The following SAXO2 variants were observed in gnomAD, a reference collection of about 807,000 sequenced individuals.
SAXO2 encodes the protein stabilizer of axonemal microtubules 2.
Under a neutral mutation model 18.7 loss-of-function variants are expected in SAXO2, and 17 were observed. The ratio of observed to expected loss-of-function variants is 0.91; its 90% CI spans 0.62 to 1.36. SAXO2 has a LOEUF of 1.36. SAXO2 is among the 40% of genes most tolerant of loss of function. The pLI is 0.00. For synonymous variants in SAXO2, 163 were observed against 181.2 expected, an observed-to-expected ratio of 0.90 and a Z score of 0.81; for missense variants, 486 against 562.6, an observed-to-expected ratio of 0.86 and a Z score of 1.38.
chr15:82,265,819 G>T (rs1346840482), intron 2 of SAXO2, 71 bp downstream of exon 2: 2 of 1,242,320 alleles, frequency 1.6e-6, no homozygotes, highest in East Asian at 2.8e-5. Flanking sequence ...AAGTTTTCTA[G>T]CTATTTAAAT....
At position 82,282,692 on chromosome 15, in the gene SAXO2, A is replaced by G. The variant is rs564509405; in HGVS notation, c.1007A>G (p.Asn336Ser). 1.9e-5 allele frequency: 30 copies of G among 1,614,108 alleles called. No individual in the cohort carries two copies. In the South Asian group the frequency reaches 2.7e-4, roughly 15 times the overall value. The change falls in exon 4 of 4, where the codon AAT becomes AGT. Residue 336 changes from asparagine to serine, a missense_variant. Transcript: ENST00000682753. ...IRPVSQKRSN[N>S]FPFQGKSIMK... Reference sequence around the variant, plus strand: ...CCAGTTTCTCAAAAAAGAAGTAACAATTTTCCTTTCCAAGGAAAAAGCATC... The same window carrying G: ...CCAGTTTCTCAAAAAAGAAGTAACAGTTTTCCTTTCCAAGGAAAAAGCATC...
intron 2 of SAXO2, among the ~76,000 whole-genome samples, chr15:82,270,596 T>TA (rs1319102995): frequency 6.6e-6 from 1 of 152,156 alleles, no homozygotes; most frequent in Non-Finnish European, 1.5e-5. Flanking sequence ...CTTACAGACA[T>TA]ACGCAGCAAA....
intron 2 of SAXO2, among the ~76,000 whole-genome samples, chr15:82,268,616 CAAAG>C (rs1250699989): frequency 6.6e-6 from 1 of 152,182 alleles, no homozygotes; most frequent in East Asian, 1.9e-4. Context: ...TCTGTACAAA[CAAAG>C]AAGCATTCTG....
intron 3 of SAXO2, among the ~76,000 whole-genome samples, chr15:82,277,440 C>T (rs1489603118): frequency 6.6e-6 from 1 of 151,362 alleles, no homozygotes; most frequent in Non-Finnish European, 1.5e-5. Flanking sequence ...CAAAAGTAAC[C>T]CAAGAAGAAA....
In SAXO2 at chr15:82,282,208, A is replaced by G. The variant is rs77543355; in HGVS notation, c.523A>G (p.Thr175Ala). 1,337 of 1,614,146 alleles carry G rather than the reference A, an allele frequency of 8.3e-4. 10 individuals are homozygous for G. The African/African-American group carries it at 0.013, about 16-fold the overall frequency. ...HPPTVKFGNS[T>A]TFQDDFVPQE... ...GCCTACTGTGAAATTTGGAAATTCA[A>G]CTACATTTCAGGATGATTTTGTTCC... Residue 175 changes from threonine to alanine, a missense_variant, in exon 4 of 4, where the codon ACT (threonine) becomes GCT (alanine). Physicochemically the swap from Thr to Ala is moderately conservative, Grantham distance 58. Transcript: ENST00000682753.
intron 1 of SAXO2, among the ~76,000 whole-genome samples, chr15:82,265,136 G>T (rs946608699): frequency 1.3e-5 from 2 of 151,962 alleles, no homozygotes; most frequent in Non-Finnish European, 2.9e-5. Flanking sequence ...AGTTTTTGGG[G>T]GTTTTTTTGT....
At chr15:82,275,586 G>A (rs913619956) in intron 3 of SAXO2, among the ~76,000 whole-genome samples, 3 of 152,164 alleles carry the variant, frequency 2.0e-5, no homozygotes, top group African/African-American at 7.2e-5. Context: ...CCACAGTCAA[G>A]TGGGTTTTAT....
Position 82,265,600 on chromosome 15 carries a change from A to T in SAXO2, c.85A>T (p.Ile29Phe). 7.7e-6 allele frequency: 11 copies of T among 1,425,224 alleles called. No homozygotes were observed. The allele number at this position is 1,425,224 out of a possible 1,614,324, so 88.3% of individuals were successfully genotyped here. A position where few individuals can be genotyped will look rare whatever the true frequency, so the allele number is the denominator to read the frequency against. ...TCATTGTCCACGTGGAACCACAAGG[A>T]TTTATGAAAATTCTGGGGTGTTTTG... ...RHHCPRGTTR[I>F]YENSGVFCPT... The change falls in exon 2 of 4, where the codon ATT (isoleucine) becomes TTT (phenylalanine). Residue 29 changes from isoleucine to phenylalanine, a missense_variant. Ile to Phe is a conservative substitution (Grantham distance 21). Transcript: ENST00000682753.
intron 1 of SAXO2, 113 bp downstream of exon 1, chr15:82,263,045 G>A: frequency 6.5e-7 from 1 of 1,533,538 alleles, no homozygotes. Context: ...CGGAGATGAA[G>A]GGACGAGGGC....
chr15:82,264,274 G>A lies in SAXO2; in HGVS notation c.54-1295G>A, dbSNP rs1339932200. On this transcript the variant is annotated intron_variant, in intron 1 of 3. Transcript: ENST00000682753. Reference sequence around the variant, plus strand: ...TTTAGTAGAGACGGGGTTTCACCATGTTGGCCTCCATCTCCTGACCTCATG... The same window carrying A: ...TTTAGTAGAGACGGGGTTTCACCATATTGGCCTCCATCTCCTGACCTCATG... 2.0e-5 allele frequency among the ~76,000 whole-genome samples: 3 copies of A among 151,534 alleles called. No individual in the cohort carries two copies. In the East Asian group the frequency reaches 5.8e-4, roughly 29 times the overall value.
At chr15:82,265,866 TAGTC>T (rs2141360120) in intron 2 of SAXO2, 118 bp downstream of exon 2, 1 of 602,106 alleles carries the variant, frequency 1.7e-6, no homozygotes, top group African/African-American at 2.0e-5. Flanking sequence ...ACCAATCTAA[TAGTC>T]AAGAGACTAG....
intron 1 of SAXO2, chr15:82,263,437 C>G: frequency 1.4e-6 from 1 of 704,082 alleles, no homozygotes; most frequent in African/African-American, 1.7e-5. Flanking sequence ...ACTGAAAAGT[C>G]AGTAAGTAGT....
In SAXO2 at chr15:82,262,818, G is replaced by T; in HGVS notation, c.-62G>T. 3 of 1,545,160 alleles carry T rather than the reference G, an allele frequency of 1.9e-6. No homozygotes were observed. The South Asian group carries it at 3.6e-5, about 19-fold the overall frequency. On this transcript the variant is annotated 5_prime_UTR_variant, in exon 1 of 4. Transcript: ENST00000682753. ...TCACCGGGCATCCCTCTGTTGCCTT[G>T]ACTACGGCGGGCGCTGTGGGAGTGG...
chr15:82,262,874 G>T lies in SAXO2; in HGVS notation c.-6G>T. ...CTGCAAGTGCTGAGGCGCGGTGGAG[G>T]AAAGCATGGGAGCCAAGAGTATGAG... On this transcript the variant is annotated 5_prime_UTR_variant, in exon 1 of 4. Transcript: ENST00000682753. 1 of 1,591,414 alleles carries T rather than the reference G, an allele frequency of 6.3e-7. No homozygotes were observed. The highest frequency in any genetic ancestry group is 8.6e-7 in the Non-Finnish European group (1 of 1,169,270).
chr15:82,276,574 G>T (rs1288846823), intron 3 of SAXO2, among the ~76,000 whole-genome samples: 1 of 152,034 alleles, frequency 6.6e-6, no homozygotes, highest in Non-Finnish European at 1.5e-5. Context: ...CCACCTGATT[G>T]TCCACAAAAT....
At chr15:82,275,277 CA>C (rs1246618880) in intron 3 of SAXO2, among the ~76,000 whole-genome samples, 1 of 47,502 alleles carries the variant, frequency 2.1e-5, no homozygotes, top group Admixed American at 2.2e-4. Context: ...AGAAACCTAT[CA>C]ACCAAAAAAA....
At chr15:82,272,626 C>T (rs2075282949) in intron 3 of SAXO2, among the ~76,000 whole-genome samples, 1 of 152,130 alleles carries the variant, frequency 6.6e-6, no homozygotes, top group Non-Finnish European at 1.5e-5. Context: ...ACTGCAACCT[C>T]CACCTCCTGG....
rs1596025496 is a variant in SAXO2 at position 82,265,655 on chromosome 15, C to G, written c.140C>G (p.Pro47Arg). The part of the protein sequence containing the change: ...CPTTEYLEKY[P>R]MYDNVLPPQS... ...ACAACTGAATATTTGGAAAAATATC[C>G]TATGTATGACAATGTTCTTCCACCT... The change falls in exon 2 of 4, where the codon CCT (proline) becomes CGT (arginine). Residue 47 changes from proline (P) to arginine (R), a missense_variant. Pro to Arg is a moderately radical substitution (Grantham distance 103). Transcript: ENST00000682753. 1 of 1,494,910 alleles carries G rather than the reference C, an allele frequency of 6.7e-7. No individual in the cohort carries two copies. The highest frequency in any genetic ancestry group is 1.4e-5 in the African/African-American group (1 of 69,994). The allele number at this position is 1,494,910 out of a possible 1,614,324, so 92.6% of individuals were successfully genotyped here.
Position 82,282,703 on chromosome 15 carries a change from C to T in SAXO2, c.1018C>T (p.Gln340Ter), listed in dbSNP as rs767372333. ...SQKRSNNFPF[Q>*]GKSIMKEDFP... ...AAAAAGAAGTAACAATTTTCCTTTC[C>T]AAGGAAAAAGCATCATGAAAGAAGA... Residue 340 changes from glutamine (Q) to a stop codon, truncating the protein, a stop_gained, in exon 4 of 4, where the codon CAA (glutamine) becomes TAA (stop). Transcript: ENST00000682753. LOFTEE classifies it high-confidence loss of function. 1 of 1,613,962 alleles carries T rather than the reference C, an allele frequency of 6.2e-7. No homozygotes were observed. The highest frequency in any genetic ancestry group is 8.5e-7 in the Non-Finnish European group (1 of 1,179,976).
Sources: gnomAD v4.1 joint callset for allele counts (sites outside exome capture counted in the v4.1 genomes callset) on GRCh38, gnomAD v4.1.1 for gene constraint, MANE v1.5 for transcripts, NCBI Gene and HGNC (gene_info 2026-07-23, HGNC 2026-07-21) for gene names.